Variants in PARD3B observed in about 807,000 individuals in gnomAD.
PARD3B encodes partitioning defective 3 homolog B.
PARD3B carries 103 observed loss-of-function variants against 130.2 expected under a neutral mutation model. The observed-to-expected ratio is 0.79, with a 90% CI of 0.67 to 0.93. The LOEUF (loss-of-function observed/expected upper bound fraction) is 0.93. Among genes scored for constraint, PARD3B ranks in the 40% least tolerant of loss-of-function variants. The pLI is 0.00. For synonymous variants in PARD3B, 583 were observed against 553.2 expected (o/e 1.05, Z -0.76); for missense variants, 1,609 against 1,499.2 (o/e 1.07, Z -1.21).
chr2:205,077,752 T>C (rs887353191), intron 4 of PARD3B, among the ~76,000 whole-genome samples: 19 of 152,302 alleles, frequency 1.2e-4, no homozygotes, highest in Admixed American at 7.8e-4. Context: ...TTGGGGATTT[T>C]TTTGATTATA....
rs796602466 is a variant in PARD3B, at chr2:205,467,931, G to A, written c.3044+27259G>A. On this transcript the variant is annotated intron_variant, in intron 20 of 22. Coordinates refer to ENST00000406610, the MANE Select transcript of PARD3B (RefSeq NM_001302769.2). Reference sequence around the variant, plus strand: ...AAAGACATATAAACAATCCATTCCTGCTTCAGGGAACAGACACATTTGTCA... The same window carrying A: ...AAAGACATATAAACAATCCATTCCTACTTCAGGGAACAGACACATTTGTCA... Among the ~76,000 whole-genome samples the A allele has an allele frequency of 3.3e-5, 5 of 152,144 alleles. No homozygotes were observed. In the South Asian group the frequency reaches 1.0e-3, roughly 32 times the overall value.
At chr2:205,150,254 C>CGCGT (rs1559487004) in intron 10 of PARD3B, among the ~76,000 whole-genome samples, 1 of 80,872 alleles carries the variant, frequency 1.2e-5, no homozygotes. Context: ...TGTGTGTGTG[C>CGCGT]ACACACGCTT....
At position 205,258,643 on chromosome 2, in the gene PARD3B, A is replaced by T. The variant is rs368703424; in HGVS notation, c.2185+12821A>T. Reference sequence around the variant, plus strand: ...GTGTGGCACACGGCAGGCATCCTTTACGTAGTACTTGCTAAATCTTTTTTC... The same window carrying T: ...GTGTGGCACACGGCAGGCATCCTTTTCGTAGTACTTGCTAAATCTTTTTTC... On this transcript the variant is annotated intron_variant, in intron 16 of 22. Coordinates refer to ENST00000406610, the MANE Select transcript of PARD3B (RefSeq NM_001302769.2). The surrounding 1 kb of genome is among the most constrained non-coding windows in gnomAD (Gnocchi z 4.9). Among the ~76,000 whole-genome samples the T allele has an allele frequency of 3.9e-5, 6 of 152,272 alleles. No individual in the cohort carries two copies. The highest frequency in any genetic ancestry group is 1.4e-4 in the African/African-American group (6 of 41,576).
Position 204,620,890 on chromosome 2 carries a change from T to C in PARD3B, c.121-65291T>C, listed in dbSNP as rs139401190. The stretch of plus-strand genomic sequence containing the variant: ...AAGAAGTTGCGTCCGTTATTCTGAG[T>C]GCCCTTTCCCTATGCTGAGAGACTT... On this transcript the variant is annotated intron_variant, in intron 1 of 22. Transcript: ENST00000406610. Among the ~76,000 whole-genome samples the C allele has an allele frequency of 4.9e-3, 734 of 151,272 alleles. 1 individual carries two copies. The highest frequency in any genetic ancestry group is 7.8e-3 in the Non-Finnish European group (525 of 67,738).
At chr2:205,277,810 C>G (rs919903810) in intron 16 of PARD3B, among the ~76,000 whole-genome samples, 5 of 152,100 alleles carry the variant, frequency 3.3e-5, no homozygotes, top group African/African-American at 1.2e-4. Flanking sequence ...GAGTTTGGAC[C>G]TTCTGAAAGC....
At chr2:204,761,671 G>A (rs1395609127) in intron 2 of PARD3B, among the ~76,000 whole-genome samples, 2 of 151,516 alleles carry the variant, frequency 1.3e-5, no homozygotes, top group African/African-American at 4.9e-5. Flanking sequence ...AATTATCACA[G>A]TTTAGATGTA....
At chr2:205,231,501 A>ATTTTTTTT (rs1278709655) in intron 15 of PARD3B, among the ~76,000 whole-genome samples, 1 of 130,636 alleles carries the variant, frequency 7.7e-6, no homozygotes, top group Non-Finnish European at 1.7e-5. Context: ...TAATTTTTGT[A>ATTTTTTTT]TTTTTTTTTT....
chr2:204,821,754 A>T (rs1302502228), intron 2 of PARD3B, among the ~76,000 whole-genome samples: 1 of 152,118 alleles, frequency 6.6e-6, no homozygotes, highest in Non-Finnish European at 1.5e-5. Context: ...ATTTCCCTGC[A>T]CAAGCTCTCT....
chr2:205,092,568 C>T (rs2125543025), intron 4 of PARD3B, among the ~76,000 whole-genome samples: 1 of 152,228 alleles, frequency 6.6e-6, no homozygotes, highest in Admixed American at 6.5e-5. Context: ...GAAGAAAGAG[C>T]AATGGAAGAG....
At chr2:205,114,624 T>C (rs1424323813) in intron 6 of PARD3B, among the ~76,000 whole-genome samples, 1 of 152,128 alleles carries the variant, frequency 6.6e-6, no homozygotes, top group African/African-American at 2.4e-5. Context: ...TAGTATTAAT[T>C]TAGTGGTTCT....
At chr2:204,896,547 T>C (rs1321272925) in intron 2 of PARD3B, among the ~76,000 whole-genome samples, 1 of 152,146 alleles carries the variant, frequency 6.6e-6, no homozygotes, top group African/African-American at 2.4e-5. Context: ...AGAGATTGAT[T>C]TGAGAGGACA....
intron 2 of PARD3B, among the ~76,000 whole-genome samples, chr2:204,911,894 T>G (rs1176416529): frequency 2.0e-5 from 3 of 152,156 alleles, no homozygotes; most frequent in Admixed American, 6.5e-5. Flanking sequence ...CAAATATACT[T>G]CATAAAGCTG....
chr2:205,598,563 G>A (rs964314488), intron 22 of PARD3B, among the ~76,000 whole-genome samples: 2 of 152,092 alleles, frequency 1.3e-5, no homozygotes, highest in African/African-American at 4.8e-5. Flanking sequence ...TGCTATTGAG[G>A]CAGAAAACTA....
chr2:205,377,130 G>C (rs763239664), intron 18 of PARD3B, among the ~76,000 whole-genome samples: 1 of 152,134 alleles, frequency 6.6e-6, no homozygotes, highest in Non-Finnish European at 1.5e-5. Flanking sequence ...TGTGTGTAAG[G>C]ACCACCAGCA....
intron 2 of PARD3B, among the ~76,000 whole-genome samples, chr2:204,823,365 T>A (rs2043439553): frequency 6.6e-6 from 1 of 151,896 alleles, no homozygotes; most frequent in Non-Finnish European, 1.5e-5. Context: ...AATAATGCTC[T>A]CATTTTCAAT....
chr2:204,817,911 GA>G (rs549280349), intron 2 of PARD3B, among the ~76,000 whole-genome samples: 1 of 151,976 alleles, frequency 6.6e-6, no homozygotes, highest in Admixed American at 6.6e-5. Flanking sequence ...TTTTTTGGTG[GA>G]AAAAACTTTT....
intron 15 of PARD3B, among the ~76,000 whole-genome samples, chr2:205,198,464 A>G (rs1322752514): frequency 6.6e-6 from 1 of 152,228 alleles, no homozygotes; most frequent in Non-Finnish European, 1.5e-5. Flanking sequence ...ACTTCCTTTC[A>G]AGATTAGTGA....
chr2:205,009,592 A>AC (rs751869995), intron 3 of PARD3B, among the ~76,000 whole-genome samples: 1 of 151,228 alleles, frequency 6.6e-6, no homozygotes, highest in Non-Finnish European at 1.5e-5. Context: ...AATGGCGTGA[A>AC]CCCGGGAGGC....
intron 2 of PARD3B, among the ~76,000 whole-genome samples, chr2:204,926,103 A>G (rs1687597408): frequency 6.6e-6 from 1 of 152,084 alleles, no homozygotes; most frequent in East Asian, 1.9e-4. Flanking sequence ...CCTACATTTT[A>G]CCACTCCAGA....
Sources: allele counts gnomAD v4.1 joint callset (sites outside exome capture counted in the v4.1 genomes callset), GRCh38; gene constraint gnomAD v4.1.1; non-coding constraint Gnocchi (gnomAD v3.1); transcripts MANE v1.5; gene names NCBI Gene and HGNC (gene_info 2026-07-23, HGNC 2026-07-21).